CAPN14: variants seen among roughly 807,000 people sequenced by gnomAD.
The protein encoded by CAPN14 is calpain-14.
Under a neutral mutation model 101.3 loss-of-function variants are expected in CAPN14, and 94 were observed. That is an observed-to-expected ratio of 0.93 (90% CI 0.79 to 1.10). CAPN14 has a LOEUF of 1.10. CAPN14 is among the 50% of genes least tolerant of loss of function. The probability of loss-of-function intolerance (pLI) is 0.00; values close to 1 mark genes in which losing one functional copy is unlikely to be tolerated. For missense variants in CAPN14, 837 were observed against 828.4 expected, an observed-to-expected ratio of 1.01 and a Z score of -0.13; for synonymous variants, 338 against 317.9, an observed-to-expected ratio of 1.06 and a Z score of -0.67.
In CAPN14 at chr2:31,176,582, C is replaced by A. The variant is rs752510489; in HGVS notation, c.2028+5G>T. The A allele has an allele frequency of 1.3e-6, 2 of 1,551,458 alleles. No homozygotes were observed. Among genetic ancestry groups the A allele is most frequent in the Non-Finnish European group, 1.7e-6 (2 of 1,146,734 alleles). ...CATGAGCCACCTCCTTGGGGCAAGT[C>A]TTACCTCTGGCTTCTGGAGGTATAT... On this transcript the variant is annotated splice_donor_5th_base_variant and intron_variant, in intron 21 of 21. Coordinates refer to ENST00000403897, the MANE Select transcript of CAPN14 (RefSeq NM_001145122.2).
intron 16 of CAPN14, among the ~76,000 whole-genome samples, chr2:31,184,648 G>A (rs929869303): frequency 3.3e-5 from 5 of 152,160 alleles, no homozygotes; most frequent in South Asian, 2.1e-4. Flanking sequence ...GATACTTTGC[G>A]TCTATTGATG....
At position 31,189,253 on chromosome 2, in the gene CAPN14, G is replaced by A; in HGVS notation, c.1493+20C>T. ...CGTCCAAGTGGTCCCCACCCTCTAG[G>A]AGAGACCTTGTGTCCTTACTAAAAG... On this transcript the variant is annotated intron_variant, in intron 13 of 21. Transcript: ENST00000403897. 2 of 1,548,764 alleles carry A rather than the reference G, an allele frequency of 1.3e-6. No homozygotes were observed. Among genetic ancestry groups the A allele is most frequent in the Non-Finnish European group, 1.7e-6 (2 of 1,145,578 alleles).
In CAPN14 at chr2:31,223,236, C is replaced by T. The variant is rs145712165; in HGVS notation, c.-53+3292G>A. On this transcript the variant is annotated intron_variant and NMD_transcript_variant, in intron 2 of 21. Coordinates refer to the CAPN14 transcript ENST00000398824. ...ATCAGCATGCAGATGCAGAAAGAAACGGAAATCTTGCAAGTGGGCAATACC... is the reference window on the plus strand; with the variant it reads ...ATCAGCATGCAGATGCAGAAAGAAATGGAAATCTTGCAAGTGGGCAATACC... Among the ~76,000 whole-genome samples, 1,342 of 152,310 alleles carry T rather than the reference C, an allele frequency of 8.8e-3. 25 individuals are homozygous for T. The highest frequency in any genetic ancestry group is 0.011 in the Non-Finnish European group (727 of 68,026).
chr2:31,198,179 C>T (rs1287198426), intron 7 of CAPN14, among the ~76,000 whole-genome samples: 1 of 152,174 alleles, frequency 6.6e-6, no homozygotes, highest in African/African-American at 2.4e-5. Flanking sequence ...CTGGTTGCCT[C>T]CTTTGGAAAG....
chr2:31,230,096 T>G lies in CAPN14; in HGVS notation c.-176-3445A>C, dbSNP rs961596753. On this transcript the variant is annotated intron_variant and NMD_transcript_variant, in intron 1 of 21. Transcript: ENST00000398824. The surrounding 1 kb of genome is among the most constrained non-coding windows in gnomAD (Gnocchi z 4.3). Reference sequence around the variant, plus strand: ...TTGTTATATAGGTAAACTAGTGTCATGGAGGTCTGTTGTACAGATGATTTC... The same window carrying G: ...TTGTTATATAGGTAAACTAGTGTCAGGGAGGTCTGTTGTACAGATGATTTC... Among the ~76,000 whole-genome samples the G allele has an allele frequency of 1.3e-5, 2 of 152,218 alleles. No individual in the cohort carries two copies. The highest frequency in any genetic ancestry group is 2.9e-5 in the Non-Finnish European group (2 of 68,042).
Position 31,174,563 on chromosome 2 carries a change from G to T in CAPN14, c.*118C>A. ...AAACCTTCCCAGCTGAGAAGGTGACGGCTAGTGAGGCTGTCCTGAAGATCA... is the reference window on the plus strand; with the variant it reads ...AAACCTTCCCAGCTGAGAAGGTGACTGCTAGTGAGGCTGTCCTGAAGATCA... On this transcript the variant is annotated 3_prime_UTR_variant, in exon 22 of 22. Coordinates refer to ENST00000403897, the MANE Select transcript of CAPN14 (RefSeq NM_001145122.2). The T allele has an allele frequency of 9.5e-7, 1 of 1,052,064 alleles. No homozygotes were observed. Among genetic ancestry groups the T allele is most frequent in the Admixed American group, 2.1e-5 (1 of 48,166 alleles). The allele number at this position is 1,052,064 out of a possible 1,614,324, so 65.2% of individuals were successfully genotyped here. A position where few individuals can be genotyped will look rare whatever the true frequency, so the allele number is the denominator to read the frequency against.
In CAPN14 at chr2:31,187,781, A is replaced by T. The variant is rs1181580744; in HGVS notation, c.1564T>A (p.Phe522Ile). Residue 522 changes from phenylalanine to isoleucine, a missense_variant, in exon 15 of 22, where the codon TTC becomes ATC. Phe to Ile is a conservative substitution (Grantham distance 21). Transcript: ENST00000403897. ...IEDQNERQDEFFTKFFEKHPE... is the reference protein window; with the variant it reads ...IEDQNERQDEIFTKFFEKHPE... ...ACCTTTTCAAAGAATTTGGTGAAGAATTCATCCTGCCTTTCATTTTGGTCT... is the reference window on the plus strand; with the variant it reads ...ACCTTTTCAAAGAATTTGGTGAAGATTTCATCCTGCCTTTCATTTTGGTCT... The T allele has an allele frequency of 1.9e-6, 3 of 1,551,638 alleles. No individual in the cohort carries two copies. Among genetic ancestry groups the T allele is most frequent in the East Asian group, 2.4e-5 (1 of 40,926 alleles).
chr2:31,180,891 C>G, intron 17 of CAPN14, 45 bp downstream of exon 17: 1 of 1,492,830 alleles, frequency 6.7e-7, no homozygotes, highest in Non-Finnish European at 9.1e-7. Flanking sequence ...CAGAGTGAAG[C>G]TCTCAACCAA....
At chr2:31,222,698 A>G (rs1324027393) in intron 2 of CAPN14, among the ~76,000 whole-genome samples, 1 of 152,208 alleles carries the variant, frequency 6.6e-6, no homozygotes, top group Non-Finnish European at 1.5e-5. Context: ...GTTTTTGAGA[A>G]CCTTTTAACC....
chr2:31,191,994 G>T lies in CAPN14; in HGVS notation c.1219C>A (p.Pro407Thr). The change falls in exon 11 of 22, where the codon CCC becomes ACC. Residue 407 changes from proline (P) to threonine (T), a missense_variant. By Grantham distance (38) the Pro-to-Thr change is conservative. Transcript: ENST00000403897. ...TTCCGCTTGCGGCACCTGTGCCTGG[G>T]CTTCTGGAGCAGGGACACCAGCACG... Reference protein sequence around the residue: ...CSVLVSLLQKPRHRCRKRKPL... With the variant: ...CSVLVSLLQKTRHRCRKRKPL... 2 of 1,551,606 alleles carry T rather than the reference G, an allele frequency of 1.3e-6. No homozygotes were observed. Among genetic ancestry groups the T allele is most frequent in the Non-Finnish European group, 1.7e-6 (2 of 1,146,940 alleles).
intron 16 of CAPN14, among the ~76,000 whole-genome samples, chr2:31,181,378 T>TTTTCTTTTTTTC (rs1254688786): frequency 7.2e-6 from 1 of 138,746 alleles, no homozygotes; most frequent in Admixed American, 7.3e-5. Context: ...TTTCTTTCTC[T>TTTTCTTTTTTTC]TTTCTTTTTT....
chr2:31,192,195 C>G, intron 10 of CAPN14, 97 bp from the exon 11 acceptor site: 13 of 1,332,916 alleles, frequency 9.8e-6, no homozygotes, highest in Non-Finnish European at 1.3e-5. Flanking sequence ...GACGCCTCTG[C>G]CAGGATTGAC....
At chr2:31,232,999 T>C (rs185826899) in intron 1 of CAPN14, among the ~76,000 whole-genome samples, 4 of 152,272 alleles carry the variant, frequency 2.6e-5, no homozygotes, top group Admixed American at 2.6e-4. Context: ...AGCAAGTTTA[T>C]TATTGGGTTT....
At chr2:31,188,379 ACTCAGAGT>A in intron 13 of CAPN14, 25 bp from the exon 14 acceptor site, 1 of 1,550,322 alleles carries the variant, frequency 6.5e-7, no homozygotes, top group African/African-American at 1.4e-5. Context: ...ACAAGAACAA[ACTCAGAGT>A]TTCCTCTTGG....
At position 31,200,620 on chromosome 2, in the gene CAPN14, G is replaced by A; in HGVS notation, c.557C>T (p.Ser186Phe). ...TGACTGCAAGTCTTCATAGGAACCA[G>A]AGAGCCTGGCCAGGGAAGAAATAAA... is the stretch of plus-strand genomic sequence containing the variant. ...ALLEKAYAKL[S>F]GSYEDLQSGQ... The change falls in exon 6 of 22, where the codon TCT becomes TTT. Residue 186 changes from serine (S) to phenylalanine (F), a missense_variant. By Grantham distance (155) the Ser-to-Phe change is radical (BLOSUM62 -2). Transcript: ENST00000403897. 1 of 1,546,082 alleles carries A rather than the reference G, an allele frequency of 6.5e-7. No homozygotes were observed. Among genetic ancestry groups the A allele is most frequent in the Non-Finnish European group, 8.7e-7 (1 of 1,145,084 alleles).
At chr2:31,179,106 G>T (rs1239590061) in intron 17 of CAPN14, among the ~76,000 whole-genome samples, 1 of 132,880 alleles carries the variant, frequency 7.5e-6, no homozygotes, top group African/African-American at 2.9e-5. Flanking sequence ...TAAGTTCTAG[G>T]GTACATGTGC....
chr2:31,215,848 GAAA>G (rs35210385), intron 1 of CAPN14, among the ~76,000 whole-genome samples: 374 of 134,394 alleles, frequency 2.8e-3, no homozygotes, highest in African/African-American at 8.0e-3. Context: ...TCTTAAAAAA[GAAA>G]AAAAAAAAAA....
At position 31,205,277 on chromosome 2, in the gene CAPN14, G is replaced by A; in HGVS notation, c.171C>T (p.Gly57=). The change falls in exon 2 of 22, where the codon GGC becomes GGT. Residue 57 remains glycine, a synonymous_variant. Transcript: ENST00000403897. ...TSFPATLSSI[G]SGSLLQKLPP... is the part of the protein sequence containing the mutation. ...GCAGCTTCTGCAGCAGGGAGCCACT[G>A]CCGATGGAGCTCAGGGTGGCCGGGA... 6.5e-7 allele frequency: 1 copy of A among 1,550,146 alleles called. No individual in the cohort carries two copies. The highest frequency in any genetic ancestry group is 8.7e-7 in the Non-Finnish European group (1 of 1,146,998).
At chr2:31,188,451 T>C in intron 13 of CAPN14, 97 bp from the exon 14 acceptor site, 1 of 1,086,956 alleles carries the variant, frequency 9.2e-7, no homozygotes, top group Non-Finnish European at 1.4e-6. Context: ...CCACGTTCCT[T>C]CACTGAGGCA....
Sources: gnomAD v4.1 joint callset for allele counts (sites outside exome capture counted in the v4.1 genomes callset) on GRCh38, gnomAD v4.1.1 for gene constraint, Gnocchi (gnomAD v3.1) non-coding constraint, MANE v1.5 for transcripts, NCBI Gene and HGNC (gene_info 2026-07-23, HGNC 2026-07-21) for gene names.